The following FHOD3 variants were observed in gnomAD, a reference collection of about 807,000 sequenced individuals.
The protein encoded by FHOD3 is FH1/FH2 domain-containing protein 3.
Under a neutral mutation model 173.0 loss-of-function variants are expected in FHOD3, and 90 were observed. The observed-to-expected ratio is 0.52, with a 90% confidence interval of 0.44 to 0.62. The LOEUF is 0.62. Ranked by LOEUF, FHOD3 falls within the 20% of genes least tolerant of loss-of-function variation. The pLI, the probability that FHOD3 is intolerant of heterozygous loss-of-function variation, is 0.00. For missense variants in FHOD3, 1,945 were observed against 2,034.7 expected, an observed-to-expected ratio of 0.96 and a Z score of 0.85; for synonymous variants, 828 against 823.0, an observed-to-expected ratio of 1.01 and a Z score of -0.10.
intron 14 of FHOD3, among the ~76,000 whole-genome samples, chr18:36,676,544 C>T (rs866043143): frequency 1.7e-4 from 26 of 152,074 alleles, no homozygotes; most frequent in Admixed American, 2.0e-4. Flanking sequence ...TCTAGATAAA[C>T]GTAGAAGTGG....
intron 3 of FHOD3, among the ~76,000 whole-genome samples, chr18:36,479,131 T>A (rs567804348): frequency 6.6e-6 from 1 of 152,212 alleles, no homozygotes; most frequent in African/African-American, 2.4e-5. Context: ...GTTGTTCACA[T>A]GTATTACAGA....
chr18:36,396,579 C>A lies in FHOD3; in HGVS notation c.337+23835C>A, dbSNP rs114739656. On this transcript the variant is annotated intron_variant, in intron 3 of 28. Transcript: ENST00000590592. ...TCAAATGATATTCTTGAGTTCTGTT[C>A]ATTTCATTTCTGTTTTTCTAATTCT... is the stretch of plus-strand genomic sequence containing the variant. Among the ~76,000 whole-genome samples the A allele has an allele frequency of 6.8e-3, 1,030 of 152,078 alleles. 13 individuals are homozygous for A. The highest frequency in any genetic ancestry group is 0.023 in the African/African-American group (972 of 41,502).
At position 36,429,971 on chromosome 18, in the gene FHOD3, G is replaced by A. The variant is rs527579353; in HGVS notation, c.337+57227G>A. ...ACTCTGCAAGCTCACTGATGGGAATGGGTGCCTGTTACCTCATGTGGGCAC... is the reference window on the plus strand; with the variant it reads ...ACTCTGCAAGCTCACTGATGGGAATAGGTGCCTGTTACCTCATGTGGGCAC... On this transcript the variant is annotated intron_variant, in intron 3 of 28. Transcript: ENST00000590592. Among the ~76,000 whole-genome samples, 6 of 152,284 alleles carry A rather than the reference G, an allele frequency of 3.9e-5. No individual in the cohort carries two copies. In the South Asian group the frequency reaches 1.2e-3, roughly 32 times the overall value.
chr18:36,618,310 G>GTTTTTTTTTTTTTTTTTTTTT lies in FHOD3; in HGVS notation c.957+6215_957+6216insTTTTTTTTTTTTTTTTTTTTT, dbSNP rs1465774220. ...CCATTTGGTAATGATGTTTTTTGGT[G>GTTTTTTTTTTTTTTTTTTTTT]GTTTTTTTTTTTTTTTTTTTTTTGA... On this transcript the variant is annotated intron_variant, in intron 9 of 28. Coordinates refer to ENST00000590592, the MANE Select transcript of FHOD3 (RefSeq NM_001281740.3). Among the ~76,000 whole-genome samples, 4 of 85,224 alleles carry GTTTTTTTTTTTTTTTTTTTTT rather than the reference G, an allele frequency of 4.7e-5. 2 individuals are homozygous for GTTTTTTTTTTTTTTTTTTTTT. The allele number at this position is 85,224 out of a possible 152,430, so 55.9% of individuals were successfully genotyped here.
intron 14 of FHOD3, among the ~76,000 whole-genome samples, chr18:36,665,488 C>T (rs2037119206): frequency 6.6e-6 from 1 of 151,980 alleles, no homozygotes. Flanking sequence ...AGCACAGGTG[C>T]TCTGTTGTTG....
chr18:36,515,698 A>G (rs2055933312), intron 5 of FHOD3, among the ~76,000 whole-genome samples: 1 of 152,232 alleles, frequency 6.6e-6, no homozygotes, highest in Non-Finnish European at 1.5e-5. Context: ...CCCTAGCTGC[A>G]GATAGGTCTT....
intron 3 of FHOD3, among the ~76,000 whole-genome samples, chr18:36,478,888 T>C (rs777567605): frequency 2.6e-5 from 4 of 152,204 alleles, no homozygotes; most frequent in Non-Finnish European, 4.4e-5. Flanking sequence ...TATTCTGATC[T>C]TCTAGACTAA....
intron 13 of FHOD3, among the ~76,000 whole-genome samples, chr18:36,654,845 C>G (rs1157393323): frequency 6.6e-6 from 1 of 152,118 alleles, no homozygotes; most frequent in African/African-American, 2.4e-5. Flanking sequence ...TCCACCTGCT[C>G]AAGAGTTTTT....
At chr18:36,430,910 C>T (rs111251921) in intron 3 of FHOD3, among the ~76,000 whole-genome samples, 40 of 152,020 alleles carry the variant, frequency 2.6e-4, no homozygotes, top group African/African-American at 9.4e-4. Context: ...ATGCCAAAAA[C>T]CTGCCATGTT....
chr18:36,370,863 A>C (rs781032600), intron 2 of FHOD3, among the ~76,000 whole-genome samples: 1 of 152,220 alleles, frequency 6.6e-6, no homozygotes, highest in South Asian at 2.1e-4. Flanking sequence ...CCGCTACCCC[A>C]GAAAACCTTT....
Position 36,718,105 on chromosome 18 carries a change from G to C in FHOD3, c.2807G>C (p.Ser936Thr), listed in dbSNP as rs781319592. The part of the protein sequence containing the change: ...VDVGCLDNRG[S>T]VKAFAEKFNS... ...GTCGGCTGTTTGGACAATCGGGGCAGTGTGAAAGCATTTGCTGAGAAATTC... is the reference window on the plus strand; with the variant it reads ...GTCGGCTGTTTGGACAATCGGGGCACTGTGAAAGCATTTGCTGAGAAATTC... Residue 936 changes from serine to threonine, a missense_variant, in exon 19 of 29, where the codon AGT becomes ACT. Transcript: ENST00000590592. 8.7e-6 allele frequency: 14 copies of C among 1,600,866 alleles called. No individual in the cohort carries two copies. In the South Asian group the frequency reaches 1.4e-4, roughly 16 times the overall value.
intron 8 of FHOD3, among the ~76,000 whole-genome samples, chr18:36,603,881 T>C (rs2031738398): frequency 6.6e-6 from 1 of 152,216 alleles, no homozygotes; most frequent in Admixed American, 6.5e-5. Flanking sequence ...TGTTCACATG[T>C]CAGGAAGACA....
At chr18:36,742,292 C>A (rs570348455) in intron 21 of FHOD3, among the ~76,000 whole-genome samples, 2 of 152,204 alleles carry the variant, frequency 1.3e-5, no homozygotes, top group Admixed American at 6.5e-5. Context: ...GGTGGCTAGC[C>A]GTGGAGTGCC....
chr18:36,729,385 G>A (rs981232653), intron 19 of FHOD3, among the ~76,000 whole-genome samples: 7 of 152,214 alleles, frequency 4.6e-5, no homozygotes, highest in Admixed American at 2.0e-4. Context: ...GGGCCTTGTG[G>A]TCACAGCTCT....
chr18:36,717,744 G>A (rs1357451321), intron 18 of FHOD3, 88 bp from the exon 19 acceptor site: 4 of 1,490,960 alleles, frequency 2.7e-6, no homozygotes, highest in Admixed American at 4.8e-5. Context: ...TCACTCCCAT[G>A]TGTCAGGCTC....
At chr18:36,404,843 AT>A (rs1187284827) in intron 3 of FHOD3, among the ~76,000 whole-genome samples, 1 of 151,884 alleles carries the variant, frequency 6.6e-6, no homozygotes, top group Admixed American at 6.6e-5. Context: ...CGTCGCTAGA[AT>A]TTTTTTTCAG....
intron 5 of FHOD3, among the ~76,000 whole-genome samples, chr18:36,537,370 C>T (rs893173443): frequency 6.6e-5 from 10 of 152,198 alleles, no homozygotes; most frequent in African/African-American, 2.4e-4. Context: ...CTTAATGGTT[C>T]TCCATGCTGT....
chr18:36,466,446 G>C (rs1443980475), intron 3 of FHOD3, among the ~76,000 whole-genome samples: 1 of 152,148 alleles, frequency 6.6e-6, no homozygotes, highest in Non-Finnish European at 1.5e-5. Context: ...AAAGGCAGGG[G>C]TATATTTTAG....
At chr18:36,713,192 G>A (rs554302108) in intron 18 of FHOD3, among the ~76,000 whole-genome samples, 1 of 152,286 alleles carries the variant, frequency 6.6e-6, no homozygotes, top group African/African-American at 2.4e-5. Context: ...CAACAGAATG[G>A]GTGAAAGCAG....
Sources: allele counts gnomAD v4.1 joint callset (sites outside exome capture counted in the v4.1 genomes callset), GRCh38; gene constraint gnomAD v4.1.1; transcripts MANE v1.5; gene names NCBI Gene and HGNC (gene_info 2026-07-23, HGNC 2026-07-21).